The following DENND2A variants were observed in gnomAD, a reference collection of about 807,000 sequenced individuals.
DENND2A encodes DENN domain-containing protein 2A.
A neutral mutation model predicts 105.3 loss-of-function variants in DENND2A; 53 were observed. The observed-to-expected ratio is 0.50, with a 90% CI of 0.40 to 0.63. The LOEUF is 0.63. DENND2A is among the 30% of genes least tolerant of loss of function. The pLI is 0.00. For synonymous variants in DENND2A, 522 were observed against 508.4 expected (o/e 1.03, Z -0.36); for missense variants, 1,138 against 1,279.6 (o/e 0.89, Z 1.69).
intron 12 of DENND2A, 140 bp from the exon 13 acceptor site, chr7:140,547,079 C>T: frequency 2.9e-6 from 3 of 1,028,270 alleles, no homozygotes; most frequent in Non-Finnish European, 2.8e-6. Context: ...CAAAACAGGC[C>T]CTTTGACCCT....
At chr7:140,537,017 T>C (rs902492315) in intron 14 of DENND2A, among the ~76,000 whole-genome samples, 3 of 152,212 alleles carry the variant, frequency 2.0e-5, no homozygotes, top group African/African-American at 7.2e-5. Flanking sequence ...TCTCTAAGAC[T>C]CTGTCAACCA....
chr7:140,565,863 G>T (rs1432927965), intron 9 of DENND2A, among the ~76,000 whole-genome samples: 7 of 152,162 alleles, frequency 4.6e-5, no homozygotes, highest in Admixed American at 4.6e-4. Context: ...AGATGGTGAT[G>T]AGAGTGACCT....
chr7:140,599,199 G>T (rs186469308), intron 3 of DENND2A, among the ~76,000 whole-genome samples: 3 of 152,036 alleles, frequency 2.0e-5, no homozygotes, highest in African/African-American at 7.2e-5. Context: ...TTAGCCAGGC[G>T]TGGTGGCGTG....
chr7:140,623,747 A>G (rs929696900), intron 1 of DENND2A, among the ~76,000 whole-genome samples: 2 of 151,170 alleles, frequency 1.3e-5, no homozygotes, highest in African/African-American at 4.9e-5. Flanking sequence ...GAGCATATGG[A>G]AAGTGTCACA....
chr7:140,586,205 G>A (rs1012201039), intron 4 of DENND2A, among the ~76,000 whole-genome samples: 14 of 151,966 alleles, frequency 9.2e-5, no homozygotes, highest in Non-Finnish European at 1.9e-4. Context: ...TGAGAATAAA[G>A]CTAACCTGAG....
chr7:140,572,058 C>T (rs922777364), intron 6 of DENND2A, among the ~76,000 whole-genome samples: 1 of 152,082 alleles, frequency 6.6e-6, no homozygotes. Context: ...GGCTGGAGTG[C>T]AGTGGCATGA....
intron 12 of DENND2A, among the ~76,000 whole-genome samples, chr7:140,554,773 G>A (rs1191289028): frequency 3.9e-5 from 6 of 152,148 alleles, no homozygotes; most frequent in African/African-American, 1.4e-4. Flanking sequence ...GAATACCGGG[G>A]TAGATGAGCT....
intron 19 of DENND2A, among the ~76,000 whole-genome samples, chr7:140,519,261 C>CAA (rs1245959210): frequency 3.3e-5 from 5 of 152,128 alleles, no homozygotes; most frequent in Non-Finnish European, 2.9e-5. Context: ...TTGTAAGTGT[C>CAA]ACGTTTCTAC....
intron 2 of DENND2A, among the ~76,000 whole-genome samples, chr7:140,602,915 C>T (rs1234925748): frequency 6.6e-6 from 1 of 152,108 alleles, no homozygotes; most frequent in Non-Finnish European, 1.5e-5. Context: ...GGTTTAAATC[C>T]TAATTCAGTC....
At chr7:140,532,399 T>A (rs1033998140) in intron 14 of DENND2A, among the ~76,000 whole-genome samples, 2 of 152,190 alleles carry the variant, frequency 1.3e-5, no homozygotes, top group Non-Finnish European at 2.9e-5. Context: ...CATGAGAAGA[T>A]CCATGGTCCA....
At chr7:140,603,200 T>C (rs1349010662) in intron 2 of DENND2A, among the ~76,000 whole-genome samples, 2 of 137,000 alleles carry the variant, frequency 1.5e-5, no homozygotes, top group Non-Finnish European at 3.2e-5. Flanking sequence ...GCAGGAGAAT[T>C]GCTGGAACCC....
chr7:140,630,071 G>A (rs1323002619), intron 1 of DENND2A, among the ~76,000 whole-genome samples: 1 of 151,702 alleles, frequency 6.6e-6, no homozygotes, highest in African/African-American at 2.4e-5. Context: ...ATGTTGGCCA[G>A]GCTGGTCTCG....
chr7:140,528,209 A>G (rs1248435317), intron 14 of DENND2A, among the ~76,000 whole-genome samples: 1 of 152,128 alleles, frequency 6.6e-6, no homozygotes, highest in Non-Finnish European at 1.5e-5. Context: ...CAAAACAAAA[A>G]CACAAACGGT....
chr7:140,626,051 G>A (rs1339244391), intron 1 of DENND2A, among the ~76,000 whole-genome samples: 3 of 152,288 alleles, frequency 2.0e-5, no homozygotes, highest in African/African-American at 7.2e-5. Flanking sequence ...AAGGCCTGGA[G>A]GGATTAACTT....
intron 19 of DENND2A, 30 bp from the exon 20 acceptor site, chr7:140,518,768 C>T (rs750963515): frequency 1.6e-5 from 25 of 1,609,974 alleles, no homozygotes; most frequent in African/African-American, 2.7e-5. Context: ...GAACATTTCA[C>T]AAGGCAGACA....
At chr7:140,607,165 T>A (rs1328488960) in intron 1 of DENND2A, among the ~76,000 whole-genome samples, 1 of 152,172 alleles carries the variant, frequency 6.6e-6, no homozygotes, top group Non-Finnish European at 1.5e-5. Context: ...TCCTACCCTA[T>A]TTCCCAGGAT....
intron 1 of DENND2A, among the ~76,000 whole-genome samples, chr7:140,609,646 C>T (rs889667659): frequency 6.6e-6 from 1 of 152,168 alleles, no homozygotes; most frequent in Non-Finnish European, 1.5e-5. Context: ...GTTTCAGAAA[C>T]TAAGTCCTAT....
At chr7:140,625,990 T>C (rs979838883) in intron 1 of DENND2A, among the ~76,000 whole-genome samples, 13 of 152,224 alleles carry the variant, frequency 8.5e-5, no homozygotes, top group African/African-American at 3.1e-4. Flanking sequence ...TCATTTAGTT[T>C]AATGTTCACA....
intron 1 of DENND2A, among the ~76,000 whole-genome samples, chr7:140,619,945 C>A (rs976442326): frequency 6.6e-6 from 1 of 151,922 alleles, no homozygotes; most frequent in African/African-American, 2.4e-5. Flanking sequence ...GTAACCCCAG[C>A]ACTTTGGAAG....
Sources: gnomAD v4.1 joint callset for allele counts (sites outside exome capture counted in the v4.1 genomes callset) on GRCh38, gnomAD v4.1.1 for gene constraint, MANE v1.5 for transcripts, NCBI Gene and HGNC (gene_info 2026-07-23, HGNC 2026-07-21) for gene names.